Variants in ONECUT1 observed in about 807,000 individuals in gnomAD.
ONECUT1 encodes the protein hepatocyte nuclear factor 6.
A neutral mutation model predicts 25.6 loss-of-function variants in ONECUT1; 12 were observed. The observed-to-expected ratio is 0.47, with a 90% CI of 0.30 to 0.76. The LOEUF is 0.76. Ranked by LOEUF, ONECUT1 falls within the 30% of genes least tolerant of loss-of-function variation. ONECUT1 has a pLI of 0.07. For synonymous variants in ONECUT1, 285 were observed against 270.2 expected, an observed-to-expected ratio of 1.05 and a Z score of -0.54; for missense variants, 620 against 651.2, an observed-to-expected ratio of 0.95 and a Z score of 0.52.
At position 52,789,488 on chromosome 15, in the gene ONECUT1, G is replaced by T. The variant is rs1404533649; in HGVS notation, c.397C>A (p.His133Asn). The T allele has an allele frequency of 1.9e-5, 31 of 1,612,500 alleles. No homozygotes were observed. Among genetic ancestry groups the T allele is most frequent in the Non-Finnish European group, 2.6e-5 (31 of 1,179,380 alleles). The change falls in exon 1 of 2, where the codon CAC becomes AAC. Residue 133 changes from histidine to asparagine, a missense_variant. His to Asn is a moderately conservative substitution (Grantham distance 68). This residue lies in a region of ONECUT1 where 440 missense variants were observed against 404.9 expected (regional missense o/e 1.09). Coordinates refer to ENST00000305901, the MANE Select transcript of ONECUT1 (RefSeq NM_004498.4). The surrounding 1 kb of genome is among the most constrained non-coding windows in gnomAD (Gnocchi z 4.1). ...PHHHHHHHHH[H>N]HPHHHQRLAG... ...AGGCGCTGGTGGTGGTGCGGGTGGT[G>T]GTGGTGATGGTGGTGGTGGTGATGG...
At chr15:52,757,973 T>A in intron 1 of ONECUT1, 126 bp from the exon 2 acceptor site, 2 of 990,536 alleles carry the variant, frequency 2.0e-6, no homozygotes, top group Non-Finnish European at 3.0e-6. Flanking sequence ...ACCTCTGCTT[T>A]AAGCACCATT....
rs1395394692 is a variant in ONECUT1, at chr15:52,788,692, C to G, written c.1105+88G>C. On this transcript the variant is annotated intron_variant, in intron 1 of 1. Transcript: ENST00000305901. This position sits in a 1 kb window ranked among gnomAD's most constrained non-coding sequence, Gnocchi z 4.3. ...TAGGGGCGGGCGGGATGAAGCGCAC[C>G]CAGCCCTCTCTCCTACCCTTCCTCC... The G allele has an allele frequency of 2.8e-6, 4 of 1,426,948 alleles. No individual in the cohort carries two copies. The Admixed American group carries it at 5.8e-5, about 21-fold the overall frequency. The allele number at this position is 1,426,948 out of a possible 1,614,324, so 88.4% of individuals were successfully genotyped here.
At position 52,767,630 on chromosome 15, in the gene ONECUT1, GC is replaced by G. The variant is rs1244277720; in HGVS notation, c.1106-9784del. On this transcript the variant is annotated intron_variant, in intron 1 of 1. Transcript: ENST00000305901. The stretch of plus-strand genomic sequence containing the variant: ...AACTGGTGGGAAGAGAGAAGCTGCG[GC>G]CTTGCGCCTGCTAGTTTGGTCAGTA... Among the ~76,000 whole-genome samples, 3 of 152,312 alleles carry G rather than the reference GC, an allele frequency of 2.0e-5. No individual in the cohort carries two copies. In the South Asian group the frequency reaches 6.2e-4, roughly 32 times the overall value.
In ONECUT1 at chr15:52,788,906, G is replaced by A. The variant is rs1163006932; in HGVS notation, c.979C>T (p.Leu327Phe). Residue 327 changes from leucine (L) to phenylalanine (F), a missense_variant, in exon 1 of 2, where the codon CTC becomes TTC. Leu to Phe is a conservative substitution (Grantham distance 22). This residue lies in a region of ONECUT1 where 146 missense variants were observed against 201.8 expected (regional missense o/e 0.72). Transcript: ENST00000305901. This position sits in a 1 kb window ranked among gnomAD's most constrained non-coding sequence, Gnocchi z 4.3. Reference sequence around the variant, plus strand: ...TTGGGGTTGCGCAGCAGGTCCGAGAGGGTCCCCTGGGAGCGGCAGAGCACC... The same window carrying A: ...TTGGGGTTGCGCAGCAGGTCCGAGAAGGTCCCCTGGGAGCGGCAGAGCACC... ...QRVLCRSQGT[L>F]SDLLRNPKPW... 3 of 1,614,138 alleles carry A rather than the reference G, an allele frequency of 1.9e-6. No individual in the cohort carries two copies. The highest frequency in any genetic ancestry group is 2.5e-6 in the Non-Finnish European group (3 of 1,180,036).
At chr15:52,765,891 G>A (rs1045394717) in intron 1 of ONECUT1, among the ~76,000 whole-genome samples, 8 of 152,244 alleles carry the variant, frequency 5.3e-5, no homozygotes, top group African/African-American at 1.9e-4. Context: ...CAACACGAGT[G>A]AGCTCTAATT....
intron 1 of ONECUT1, among the ~76,000 whole-genome samples, chr15:52,770,840 T>G (rs1056640483): frequency 6.6e-6 from 1 of 152,176 alleles, no homozygotes; most frequent in Non-Finnish European, 1.5e-5. Context: ...GGGCAAAGGA[T>G]ATGAACTCTG....
rs746802059 is a variant in ONECUT1, at chr15:52,757,530, G to A, written c.*25C>T. ...TTTTTTAATTTAAAGCTTTTCCACC[G>A]AGGTTTTAGTTTGTGGTTCTTCCTT... is the stretch of plus-strand genomic sequence containing the variant. On this transcript the variant is annotated 3_prime_UTR_variant, in exon 2 of 2. Coordinates refer to ENST00000305901, the MANE Select transcript of ONECUT1 (RefSeq NM_004498.4). The A allele has an allele frequency of 1.2e-5, 19 of 1,571,720 alleles. No individual in the cohort carries two copies. In the East Asian group the frequency reaches 3.6e-4, roughly 30 times the overall value.
intron 1 of ONECUT1, among the ~76,000 whole-genome samples, chr15:52,767,184 G>T (rs956120920): frequency 6.6e-6 from 1 of 152,084 alleles, no homozygotes; most frequent in Non-Finnish European, 1.5e-5. Flanking sequence ...GCCAGCACAG[G>T]GCCCCATGAC....
chr15:52,772,537 A>G (rs1468068785), intron 1 of ONECUT1, among the ~76,000 whole-genome samples: 1 of 152,158 alleles, frequency 6.6e-6, no homozygotes, highest in African/African-American at 2.4e-5. Flanking sequence ...TGAGCTTTTT[A>G]GCGCTAATTG....
chr15:52,783,709 C>T (rs375286480), intron 1 of ONECUT1, among the ~76,000 whole-genome samples: 1 of 152,370 alleles, frequency 6.6e-6, no homozygotes, highest in South Asian at 2.1e-4. Context: ...CTCCAACCTC[C>T]GACTTCGGAC....
chr15:52,779,804 T>C (rs749190989), intron 1 of ONECUT1, among the ~76,000 whole-genome samples: 15 of 152,192 alleles, frequency 9.9e-5, no homozygotes, highest in Non-Finnish European at 1.5e-4. Flanking sequence ...CACATGCGAA[T>C]GTGGAAAAAT....
chr15:52,776,401 T>C (rs999216996), intron 1 of ONECUT1, among the ~76,000 whole-genome samples: 1 of 152,216 alleles, frequency 6.6e-6, no homozygotes, highest in African/African-American at 2.4e-5. Context: ...TACTCGACTT[T>C]AGAAATAGCT....
intron 1 of ONECUT1, among the ~76,000 whole-genome samples, chr15:52,772,549 C>G (rs185721701): frequency 6.6e-6 from 1 of 152,258 alleles, no homozygotes; most frequent in Admixed American, 6.5e-5. Flanking sequence ...CGCTAATTGA[C>G]AGGGCCTCCT....
At chr15:52,766,301 A>C (rs1307154597) in intron 1 of ONECUT1, among the ~76,000 whole-genome samples, 1 of 147,976 alleles carries the variant, frequency 6.8e-6, no homozygotes, top group Non-Finnish European at 1.5e-5. Flanking sequence ...CGGGCTGGTT[A>C]GTAGGGGACT....
Position 52,789,758 on chromosome 15 carries a change from T to C in ONECUT1, c.127A>G (p.Ser43Gly), listed in dbSNP as rs2083906861. ...CGCGGGTGCGCGGGGGGCAGGTGGC[T>C]GCCGCGGTGCGCCACGGAGCTGCGC... is the stretch of plus-strand genomic sequence containing the variant. ...HARSSVAHRG[S>G]HLPPAHPRSM... The change falls in exon 1 of 2, where the codon AGC becomes GGC. Residue 43 changes from serine (S) to glycine (G), a missense_variant. Transcript: ENST00000305901. This position sits in a 1 kb window ranked among gnomAD's most constrained non-coding sequence, Gnocchi z 4.1. The C allele has an allele frequency of 7.1e-7, 1 of 1,404,106 alleles. No individual in the cohort carries two copies. Among genetic ancestry groups the C allele is most frequent in the Admixed American group, 3.4e-5 (1 of 29,000 alleles). The allele number at this position is 1,404,106 out of a possible 1,614,324, so 87.0% of individuals were successfully genotyped here. A position where few individuals can be genotyped will look rare whatever the true frequency, so the allele number is the denominator to read the frequency against.
At chr15:52,760,722 C>T (rs2083701121) in intron 1 of ONECUT1, among the ~76,000 whole-genome samples, 1 of 151,896 alleles carries the variant, frequency 6.6e-6, no homozygotes, top group East Asian at 1.9e-4. Flanking sequence ...TGGGAGATGG[C>T]TTCGTGCATA....
At chr15:52,780,869 G>A (rs1411926813) in intron 1 of ONECUT1, 3 of 1,343,750 alleles carry the variant, frequency 2.2e-6, no homozygotes, top group African/African-American at 1.5e-5. Context: ...TTCAGAAACC[G>A]TCGATTCTGA....
At chr15:52,779,630 T>G (rs2141459832) in intron 1 of ONECUT1, among the ~76,000 whole-genome samples, 1 of 152,300 alleles carries the variant, frequency 6.6e-6, no homozygotes, top group South Asian at 2.1e-4. Context: ...AGGCAAATAC[T>G]AGGTGCCTCC....
rs2083859635 is a variant in ONECUT1 at position 52,784,221 on chromosome 15, C to T, written c.1105+4559G>A. On this transcript the variant is annotated intron_variant, in intron 1 of 1. Coordinates refer to ENST00000305901, the MANE Select transcript of ONECUT1 (RefSeq NM_004498.4). The surrounding 1 kb of genome is among the most constrained non-coding windows in gnomAD (Gnocchi z 5.0). ...CGCATCCTGGGATTTGGGTCCTCTGCTGCTACAACACAACCGTGCTATTGT... is the reference window on the plus strand; with the variant it reads ...CGCATCCTGGGATTTGGGTCCTCTGTTGCTACAACACAACCGTGCTATTGT... 6.6e-6 allele frequency among the ~76,000 whole-genome samples: 1 copy of T among 152,188 alleles called. No individual in the cohort carries two copies. Among genetic ancestry groups the T allele is most frequent in the Non-Finnish European group, 1.5e-5 (1 of 68,028 alleles).
Sources: gnomAD v4.1 joint callset for allele counts (sites outside exome capture counted in the v4.1 genomes callset) on GRCh38, gnomAD v4.1.1 for gene constraint, gnomAD v4.1.1 regional missense constraint, Gnocchi (gnomAD v3.1) non-coding constraint, MANE v1.5 for transcripts, NCBI Gene and HGNC (gene_info 2026-07-23, HGNC 2026-07-21) for gene names.